The following VRK2 variants were observed in gnomAD, a reference collection of about 807,000 sequenced individuals.
VRK2 encodes VRK serine/threonine kinase 2.
Under a neutral mutation model 57.6 loss-of-function variants are expected in VRK2, and 60 were observed. That is an observed-to-expected ratio of 1.04 (90% CI 0.85 to 1.29). VRK2 has a LOEUF of 1.29. Ranked by LOEUF, VRK2 falls within the 50% of genes most tolerant of loss-of-function variation. VRK2 has a pLI of 0.00. For missense variants in VRK2, 705 were observed against 588.1 expected, an observed-to-expected ratio of 1.20 and a Z score of -2.06; for synonymous variants, 231 against 199.2, an observed-to-expected ratio of 1.16 and a Z score of -1.35.
chr2:58,061,252 A>G (rs1226097513), intron 2 of VRK2, among the ~76,000 whole-genome samples: 1 of 151,968 alleles, frequency 6.6e-6, no homozygotes, highest in Non-Finnish European at 1.5e-5. Flanking sequence ...GTTAATAATA[A>G]TAAAAACAGC....
intron 11 of VRK2, among the ~76,000 whole-genome samples, chr2:58,145,128 A>G (rs183881413): frequency 6.4e-4 from 98 of 152,136 alleles, no homozygotes; most frequent in African/African-American, 2.0e-3. Flanking sequence ...CAAATACTTC[A>G]TATAAGGACC....
chr2:58,017,627 T>C (rs1673625579), intron 1 of VRK2, among the ~76,000 whole-genome samples: 1 of 152,152 alleles, frequency 6.6e-6, no homozygotes, highest in South Asian at 2.1e-4. Context: ...GAGCGTTAAA[T>C]ATATGTGCTC....
Position 58,159,553 on chromosome 2 carries a change from G to C in VRK2, c.1387G>C (p.Asp463His). ...TTCCACAGTCAGCACGGGGATCACA[G>C]ACTTAGAAAGTTCAACTGGACTTTG... ...YTSTVSTGIT[D>H]LESSTGLWPT... is the part of the protein sequence containing the mutation. Residue 463 changes from aspartate (D) to histidine (H), a missense_variant, in exon 13 of 13, where the codon GAC becomes CAC. Asp to His is a moderately conservative substitution (Grantham distance 81, BLOSUM62 -1). Coordinates refer to ENST00000340157, the MANE Select transcript of VRK2 (RefSeq NM_006296.7). 3 of 1,613,798 alleles carry C rather than the reference G, an allele frequency of 1.9e-6. No individual in the cohort carries two copies. Among genetic ancestry groups the C allele is most frequent in the Non-Finnish European group, 2.5e-6 (3 of 1,179,812 alleles).
intron 10 of VRK2, among the ~76,000 whole-genome samples, chr2:58,136,850 C>CATATATATTAT (rs1392761177): frequency 9.7e-5 from 12 of 124,082 alleles, no homozygotes; most frequent in African/African-American, 4.3e-4. Context: ...TATATTATAT[C>CATATATATTAT]ATATATATGT....
At chr2:58,095,725 C>A (rs1673042933) in intron 7 of VRK2, among the ~76,000 whole-genome samples, 1 of 151,776 alleles carries the variant, frequency 6.6e-6, no homozygotes, top group Non-Finnish European at 1.5e-5. Context: ...AGTTTTTCTT[C>A]TTTTACAGTT....
At chr2:58,041,990 T>C (rs1481810800), upstream of VRK2, among the ~76,000 whole-genome samples, 1 of 152,110 alleles carries the variant, frequency 6.6e-6, no homozygotes, top group Non-Finnish European at 1.5e-5. Context: ...TGACGTCTTC[T>C]GTCTCCCTAA....
At chr2:57,967,132 C>T (rs1671943943) in intron 1 of VRK2, among the ~76,000 whole-genome samples, 2 of 151,884 alleles carry the variant, frequency 1.3e-5, no homozygotes, top group Non-Finnish European at 2.9e-5. Flanking sequence ...GAACAGAAAA[C>T]CAAACACCGC....
At chr2:58,135,924 CT>C (rs1459133147) in intron 10 of VRK2, among the ~76,000 whole-genome samples, 1 of 152,088 alleles carries the variant, frequency 6.6e-6, no homozygotes, top group Non-Finnish European at 1.5e-5. Flanking sequence ...ATCAGTCTTG[CT>C]TTTTTTCAGA....
intron 7 of VRK2, 65 bp downstream of exon 7, chr2:58,089,788 A>C: frequency 8.7e-7 from 1 of 1,144,260 alleles, no homozygotes; most frequent in East Asian, 2.4e-5. Flanking sequence ...TTCAGAAAAC[A>C]AACTTCTAAC....
At chr2:58,058,503 A>G in intron 2 of VRK2, 1 of 447,538 alleles carries the variant, frequency 2.2e-6, no homozygotes, top group Non-Finnish European at 4.6e-6. Context: ...TCTGAGTGCC[A>G]CCTAATGAAC....
intron 2 of VRK2, among the ~76,000 whole-genome samples, chr2:58,058,769 T>C (rs1217143163): frequency 6.6e-6 from 1 of 152,082 alleles, no homozygotes; most frequent in Non-Finnish European, 1.5e-5. Context: ...AATTATTTCA[T>C]TGAATCCTCT....
At chr2:58,118,496 A>G (rs1281425907) in intron 7 of VRK2, among the ~76,000 whole-genome samples, 2 of 152,332 alleles carry the variant, frequency 1.3e-5, no homozygotes, top group South Asian at 2.1e-4. Context: ...GAAAGGAGAA[A>G]GAGGTTGAGG....
At chr2:58,012,753 T>C (rs1673451057) in intron 1 of VRK2, among the ~76,000 whole-genome samples, 1 of 152,174 alleles carries the variant, frequency 6.6e-6, no homozygotes, top group African/African-American at 2.4e-5. Flanking sequence ...AGACACTCTG[T>C]GCCAGGTATA....
intron 1 of VRK2, among the ~76,000 whole-genome samples, chr2:57,971,716 G>T (rs1672103803): frequency 2.0e-5 from 3 of 151,158 alleles, no homozygotes; most frequent in Admixed American, 1.3e-4. Flanking sequence ...TTTCATTTAG[G>T]GTTGAAAATT....
intron 2 of VRK2, among the ~76,000 whole-genome samples, chr2:58,068,650 T>C (rs1668949879): frequency 6.6e-6 from 1 of 152,106 alleles, no homozygotes; most frequent in African/African-American, 2.4e-5. Context: ...GGATTCTACA[T>C]GTTCAATGTT....
intron 1 of VRK2, among the ~76,000 whole-genome samples, chr2:57,956,961 T>C (rs1671605567): frequency 6.6e-6 from 1 of 152,128 alleles, no homozygotes; most frequent in South Asian, 2.1e-4. Flanking sequence ...CCTCTTACAA[T>C]TTACAAAAAT....
At chr2:58,061,269 A>C (rs1677293851) in intron 2 of VRK2, among the ~76,000 whole-genome samples, 1 of 151,972 alleles carries the variant, frequency 6.6e-6, no homozygotes, top group Non-Finnish European at 1.5e-5. Context: ...CAGCTAAGTT[A>C]GAGTTTATTA....
At chr2:57,992,076 T>C (rs1672785824) in intron 1 of VRK2, among the ~76,000 whole-genome samples, 1 of 152,122 alleles carries the variant, frequency 6.6e-6, no homozygotes, top group Non-Finnish European at 1.5e-5. Flanking sequence ...GATATATGAA[T>C]AAACAGGAGA....
chr2:58,123,044 A>C, intron 7 of VRK2, 57 bp from the exon 8 acceptor site: 1 of 1,542,470 alleles, frequency 6.5e-7, no homozygotes, highest in Non-Finnish European at 8.7e-7. Context: ...CTTAATTATA[A>C]AGGTTATGTT....
Sources: gnomAD v4.1 joint callset for allele counts (sites outside exome capture counted in the v4.1 genomes callset) on GRCh38, gnomAD v4.1.1 for gene constraint, MANE v1.5 for transcripts, NCBI Gene and HGNC (gene_info 2026-07-23, HGNC 2026-07-21) for gene names.